Variants in MYCBP2 observed in about 807,000 individuals in gnomAD.
MYCBP2 encodes MYC binding protein 2.
Under a neutral mutation model 525.3 loss-of-function variants are expected in MYCBP2, and 120 were observed. The ratio of observed to expected loss-of-function variants is 0.23; its 90% CI spans 0.20 to 0.27. The LOEUF (loss-of-function observed/expected upper bound fraction) is 0.27. Among genes scored for constraint, MYCBP2 ranks in the 10% least tolerant of loss-of-function variants. MYCBP2 has a pLI of 1.00. For missense variants in MYCBP2, 4,149 were observed against 5,657.1 expected, an observed-to-expected ratio of 0.73 and a Z score of 8.55; for synonymous variants, 1,894 against 1,955.8, an observed-to-expected ratio of 0.97 and a Z score of 0.83.
chr13:77,054,609 T>C (rs1278724494), intron 80 of MYCBP2, among the ~76,000 whole-genome samples: 1 of 151,888 alleles, frequency 6.6e-6, no homozygotes, highest in Admixed American at 6.6e-5. Context: ...AAGTCTTTTT[T>C]TTTTTTTTTG....
chr13:77,115,428 T>C (rs2049563603), intron 55 of MYCBP2, among the ~76,000 whole-genome samples: 1 of 151,928 alleles, frequency 6.6e-6, no homozygotes, highest in African/African-American at 2.4e-5. Context: ...TTCTTTTTCA[T>C]GTCTCTGTGT....
At chr13:77,183,574 A>C (rs1174793234) in intron 32 of MYCBP2, among the ~76,000 whole-genome samples, 1 of 37,432 alleles carries the variant, frequency 2.7e-5, no homozygotes, top group Non-Finnish European at 5.5e-5. Context: ...TTTTTTTGAG[A>C]TGGAGTATCA....
intron 29 of MYCBP2, among the ~76,000 whole-genome samples, chr13:77,189,485 A>G (rs1393761399): frequency 2.6e-5 from 4 of 152,182 alleles, no homozygotes; most frequent in Admixed American, 6.5e-5. Flanking sequence ...AACAAACGAA[A>G]AAACCTTTTG....
At chr13:77,254,109 A>G (rs1212583682) in intron 14 of MYCBP2, among the ~76,000 whole-genome samples, 1 of 151,952 alleles carries the variant, frequency 6.6e-6, no homozygotes, top group Non-Finnish European at 1.5e-5. Context: ...TAACAGAATG[A>G]TGAGAAAAAA....
chr13:77,284,021 G>A (rs951703444), intron 3 of MYCBP2, among the ~76,000 whole-genome samples: 2 of 152,096 alleles, frequency 1.3e-5, no homozygotes, highest in Admixed American at 6.5e-5. Context: ...AGCATTCAGG[G>A]AATAGAAAGC....
chr13:77,095,373 A>C lies in MYCBP2; in HGVS notation c.10184T>G (p.Leu3395Arg). The change falls in exon 58 of 83, where the codon CTG becomes CGG. Residue 3395 changes from leucine to arginine, a missense_variant. Physicochemically the swap from Leu to Arg is moderately radical, Grantham distance 102. Transcript: ENST00000544440. Reference protein sequence around the residue: ...DLPVKMPCLYLQTLARHHHEN... With the variant: ...DLPVKMPCLYRQTLARHHHEN... ...ATTTTATTACCTAGCTAATGTCTGC[A>C]GGTAGAGACAAGGCATTTTCACAGG... The C allele has an allele frequency of 6.2e-7, 1 of 1,613,308 alleles. No homozygotes were observed. The highest frequency in any genetic ancestry group is 8.5e-7 in the Non-Finnish European group (1 of 1,179,608).
intron 57 of MYCBP2, among the ~76,000 whole-genome samples, 158 bp downstream of exon 57, chr13:77,096,154 T>C (rs1290680155): frequency 6.6e-6 from 1 of 152,110 alleles, no homozygotes; most frequent in Non-Finnish European, 1.5e-5. Flanking sequence ...AGCATTTGAC[T>C]TAGTACAAAT....
intron 17 of MYCBP2, among the ~76,000 whole-genome samples, chr13:77,234,602 A>C (rs1285534519): frequency 1.3e-5 from 2 of 152,032 alleles, no homozygotes; most frequent in African/African-American, 4.8e-5. Flanking sequence ...ATTTAATGTT[A>C]ACAGAAGAAT....
intron 3 of MYCBP2, among the ~76,000 whole-genome samples, chr13:77,286,789 AATATAT>A (rs1197559343): frequency 0.011 from 471 of 42,286 alleles, 7 homozygotes; most frequent in African/African-American, 0.038. Flanking sequence ...AAAAAAAAAA[AATATAT>A]ATATATATAT....
chr13:77,085,609 G>A (rs1408395303), intron 62 of MYCBP2, among the ~76,000 whole-genome samples: 1 of 152,274 alleles, frequency 6.6e-6, no homozygotes, highest in Middle Eastern at 3.4e-3. Context: ...GACCGGCCTT[G>A]TGAATTATAC....
intron 23 of MYCBP2, among the ~76,000 whole-genome samples, chr13:77,210,256 G>A (rs948971909): frequency 6.7e-6 from 1 of 148,362 alleles, no homozygotes; most frequent in South Asian, 2.1e-4. Flanking sequence ...GCAGTGGTGC[G>A]ATCTCGGCTC....
chr13:77,209,517 A>T (rs2063728071), intron 23 of MYCBP2, among the ~76,000 whole-genome samples: 1 of 152,200 alleles, frequency 6.6e-6, no homozygotes, highest in Non-Finnish European at 1.5e-5. Context: ...TTGACTTCTA[A>T]TCGGTAAGTA....
intron 28 of MYCBP2, among the ~76,000 whole-genome samples, chr13:77,190,616 A>G: frequency 6.6e-6 from 1 of 152,150 alleles, no homozygotes; most frequent in East Asian, 1.9e-4. Context: ...TAAAATTTCT[A>G]CTTACAACTA....
intron 37 of MYCBP2, among the ~76,000 whole-genome samples, chr13:77,173,066 G>A (rs1462477627): frequency 1.3e-5 from 2 of 152,174 alleles, no homozygotes; most frequent in Non-Finnish European, 2.9e-5. Context: ...TCATCCAAAT[G>A]AAGATGTCAG....
intron 68 of MYCBP2, among the ~76,000 whole-genome samples, chr13:77,071,331 C>A (rs1473899526): frequency 2.7e-5 from 4 of 149,886 alleles, no homozygotes; most frequent in Non-Finnish European, 5.9e-5. Flanking sequence ...ATCTTCGCAA[C>A]AACCCCAGAA....
rs770879593 is a variant in MYCBP2 at position 77,164,546 on chromosome 13, G to T, written c.6460-5C>A. On this transcript the variant is annotated splice_region_variant and splice_polypyrimidine_tract_variant and intron_variant, in intron 42 of 82. Coordinates refer to ENST00000544440, the MANE Select transcript of MYCBP2 (RefSeq NM_015057.5). ...TTTTTCCAATTGGATGACTCCCTAT[G>T]GAATTGCATAAAATTTGCTGCTTTA... 1.3e-6 allele frequency: 2 copies of T among 1,580,004 alleles called. No homozygotes were observed. The highest frequency in any genetic ancestry group is 1.7e-6 in the Non-Finnish European group (2 of 1,149,610).
chr13:77,265,516 T>C (rs753667196), intron 8 of MYCBP2, among the ~76,000 whole-genome samples: 4 of 152,118 alleles, frequency 2.6e-5, no homozygotes, highest in Non-Finnish European at 5.9e-5. Flanking sequence ...AAAAGTATGT[T>C]TTAAGTTCAT....
In MYCBP2 at chr13:77,086,550, T is replaced by C. The variant is rs147679930; in HGVS notation, c.10875+934A>G. On this transcript the variant is annotated intron_variant, in intron 62 of 82. Coordinates refer to ENST00000544440, the MANE Select transcript of MYCBP2 (RefSeq NM_015057.5). ...AACACTGTCTCTCTTCCATTCTGTC[T>C]TCTCCTTCTGAAACTCCAAGTAGGT... is the stretch of plus-strand genomic sequence containing the variant. Among the ~76,000 whole-genome samples the C allele has an allele frequency of 2.5e-3, 384 of 152,248 alleles. 2 individuals are homozygous for C. In the Middle Eastern group the frequency reaches 0.048, roughly 19 times the overall value.
intron 37 of MYCBP2, among the ~76,000 whole-genome samples, chr13:77,173,266 G>C (rs992635078): frequency 6.6e-6 from 1 of 152,192 alleles, no homozygotes; most frequent in Non-Finnish European, 1.5e-5. Context: ...TTTTGTATAA[G>C]ATATAAAGTT....
Sources: gnomAD v4.1 joint callset for allele counts (sites outside exome capture counted in the v4.1 genomes callset) on GRCh38, gnomAD v4.1.1 for gene constraint, MANE v1.5 for transcripts, NCBI Gene and HGNC (gene_info 2026-07-23, HGNC 2026-07-21) for gene names.